DDX52: variants seen among roughly 807,000 people sequenced by gnomAD.
DDX52 encodes probable ATP-dependent RNA helicase DDX52.
Under a neutral mutation model 76.1 loss-of-function variants are expected in DDX52, and 59 were observed. That is an observed-to-expected ratio of 0.78 (90% CI 0.63 to 0.96). The LOEUF is 0.96. Ranked by LOEUF, DDX52 falls within the 40% of genes least tolerant of loss-of-function variation. The pLI is 0.00. For missense variants in DDX52, 707 were observed against 703.9 expected (o/e 1.00, Z -0.05); for synonymous variants, 231 against 244.1 (o/e 0.95, Z 0.50).
intron 2 of DDX52, among the ~76,000 whole-genome samples, chr17:37,640,165 C>CT (rs1335471466): frequency 6.6e-6 from 1 of 152,172 alleles, no homozygotes; most frequent in Non-Finnish European, 1.5e-5. Flanking sequence ...GACAGATATA[C>CT]TCACATATAC....
chr17:37,626,893 A>T, intron 6 of DDX52, 33 bp from the exon 7 acceptor site: 1 of 1,574,410 alleles, frequency 6.4e-7, no homozygotes, highest in South Asian at 1.1e-5. Context: ...AAATTGCAAA[A>T]ACAGGATTTA....
chr17:37,633,360 C>G lies in DDX52; in HGVS notation c.345G>C (p.Lys115Asn). The part of the protein sequence containing the change: ...TIQWMSSVEA[K>N]IEDKKVQRES... ...CTCTCTGAACTTTTTTGTCTTCAAT[C>G]TTTGCTTCTACAGATGACATCCACT... The change falls in exon 3 of 15, where the codon AAG (lysine) becomes AAC (asparagine). Residue 115 changes from lysine to asparagine, a missense_variant. Transcript: ENST00000617633. The G allele has an allele frequency of 6.2e-7, 1 of 1,611,556 alleles. No homozygotes were observed. Among genetic ancestry groups the G allele is most frequent in the South Asian group, 1.1e-5 (1 of 90,520 alleles).
chr17:37,631,916 AG>A lies in DDX52; in HGVS notation c.603+196del, dbSNP rs2030699547. The A allele has an allele frequency of 9.5e-6, 6 of 631,030 alleles. No individual in the cohort carries two copies. In the Admixed American group the frequency reaches 1.2e-4, roughly 13 times the overall value. 39.1% of individuals were successfully genotyped at this position (631,030 alleles called of 1,614,324 possible). On this transcript the variant is annotated intron_variant, in intron 4 of 14. Coordinates refer to ENST00000617633, the MANE Select transcript of DDX52 (RefSeq NM_007010.5). ...AGTGTGGGGGAAAGGGTACTAGAAA[AG>A]GAAGAAGATCACATCTAGATGGAGT...
intron 12 of DDX52, chr17:37,620,259 C>T (rs1319516029): frequency 3.5e-5 from 6 of 169,234 alleles, no homozygotes; most frequent in African/African-American, 1.4e-4. Context: ...TCACTGTCCT[C>T]ATTTCACAGA....
Position 37,621,110 on chromosome 17 carries a change from A to T in DDX52, c.1501+17T>A, listed in dbSNP as rs1481520723. ...ATCAGTGGGTGACAGAGGGGAAGGA[A>T]AAAAAAGACAACTCACCTATCCTGT... On this transcript the variant is annotated intron_variant, in intron 11 of 14. Coordinates refer to ENST00000617633, the MANE Select transcript of DDX52 (RefSeq NM_007010.5). The T allele has an allele frequency of 1.3e-6, 2 of 1,596,884 alleles. No individual in the cohort carries two copies. Among genetic ancestry groups the T allele is most frequent in the Non-Finnish European group, 1.7e-6 (2 of 1,172,754 alleles).
At chr17:37,618,194 G>T (rs1308618944) in intron 14 of DDX52, 98 bp downstream of exon 14, 4 of 826,696 alleles carry the variant, frequency 4.8e-6, no homozygotes, top group Non-Finnish European at 3.9e-6. Context: ...ACAGACTGTA[G>T]TATCAATTCT....
intron 8 of DDX52, 44 bp downstream of exon 8, chr17:37,625,851 T>TAA (rs201448621): frequency 2.0e-6 from 3 of 1,476,056 alleles, no homozygotes; most frequent in Non-Finnish European, 2.8e-6. Flanking sequence ...GACTTGTATT[T>TAA]AAAAAAAAAA....
At chr17:37,631,603 G>C (rs1295069895) in intron 4 of DDX52, 2 of 156,058 alleles carry the variant, frequency 1.3e-5, no homozygotes, top group African/African-American at 2.4e-5. Context: ...AAAAATCTAT[G>C]CATTTTATTG....
At position 37,625,981 on chromosome 17, in the gene DDX52, A is replaced by AT. The variant is rs2030351354; in HGVS notation, c.1049_1050insA (p.Met351TyrfsTer9). 1 of 1,614,104 alleles carries AT rather than the reference A, an allele frequency of 6.2e-7. No homozygotes were observed. The highest frequency in any genetic ancestry group is 1.7e-5 in the Admixed American group (1 of 60,008). ...CATATGCAAAAGTTGCACTGAACATAGCTCTTCGGACCTTGTGGGATGTGC... is the reference window on the plus strand; with the variant it reads ...CATATGCAAAAGTTGCACTGAACATATGCTCTTCGGACCTTGTGGGATGTGC... On this transcript the variant is annotated frameshift_variant, in exon 8 of 15. Transcript: ENST00000617633. LOFTEE classifies it high-confidence loss of function.
chr17:37,627,234 G>C (rs555915264), intron 6 of DDX52, among the ~76,000 whole-genome samples: 111 of 152,154 alleles, frequency 7.3e-4, no homozygotes, highest in African/African-American at 2.7e-3. Context: ...AGACAGTCTA[G>C]CTCTGTCGCC....
At chr17:37,638,287 CA>C (rs969220123) in intron 2 of DDX52, among the ~76,000 whole-genome samples, 187 of 151,970 alleles carry the variant, frequency 1.2e-3, no homozygotes, top group Non-Finnish European at 2.4e-3. Flanking sequence ...GAAATTTCTA[CA>C]AAAAAAATTC....
In DDX52 at chr17:37,632,285, C is replaced by T. The variant is rs764659877; in HGVS notation, c.431G>A (p.Arg144Gln). 12 of 1,613,628 alleles carry T rather than the reference C, an allele frequency of 7.4e-6. No individual in the cohort carries two copies. Among genetic ancestry groups the T allele is most frequent in the Middle Eastern group, 1.6e-4 (1 of 6,084 alleles). Residue 144 changes from arginine to glutamine, a missense_variant, in exon 4 of 15, where the codon CGG becomes CAG. Transcript: ENST00000617633. The part of the protein sequence containing the change: ...NLRKEKINFL[R>Q]NKHKIHVQGT... Reference sequence around the variant, plus strand: ...TTGGACGTGAATTTTGTGTTTATTCCGCAAGAAGTTTATCTGAAAAGTGAA... The same window carrying T: ...TTGGACGTGAATTTTGTGTTTATTCTGCAAGAAGTTTATCTGAAAAGTGAA...
chr17:37,622,360 C>T (rs1014827672), intron 9 of DDX52, among the ~76,000 whole-genome samples: 3 of 150,828 alleles, frequency 2.0e-5, no homozygotes, highest in Non-Finnish European at 4.4e-5. Flanking sequence ...GTGGTGCAAT[C>T]TTGGCTCACT....
intron 8 of DDX52, among the ~76,000 whole-genome samples, chr17:37,625,256 G>A (rs900745035): frequency 1.3e-5 from 2 of 152,134 alleles, no homozygotes; most frequent in African/African-American, 2.4e-5. Context: ...GCCTCCCAAA[G>A]TGCTGTGATT....
intron 2 of DDX52, 45 bp downstream of exon 2, chr17:37,642,065 G>GA: frequency 1.9e-6 from 3 of 1,604,094 alleles, no homozygotes; most frequent in Non-Finnish European, 2.5e-6. Flanking sequence ...TTTTATAACT[G>GA]AAAAAAATTA....
chr17:37,638,188 G>A (rs1380540561), intron 2 of DDX52, among the ~76,000 whole-genome samples: 5 of 152,194 alleles, frequency 3.3e-5, no homozygotes, highest in African/African-American at 4.8e-5. Flanking sequence ...GATGCTCAAG[G>A]CACTTCACTT....
chr17:37,640,359 C>T (rs575715861), intron 2 of DDX52, among the ~76,000 whole-genome samples: 72 of 152,062 alleles, frequency 4.7e-4, no homozygotes, highest in Non-Finnish European at 8.5e-4. Flanking sequence ...CTCCAAGATA[C>T]ATTGTTTTTA....
Position 37,621,249 on chromosome 17 carries a change from G to C in DDX52, c.1379C>G (p.Ala460Gly), listed in dbSNP as rs1200374921. 1 of 1,613,104 alleles carries C rather than the reference G, an allele frequency of 6.2e-7. No homozygotes were observed. Among genetic ancestry groups the C allele is most frequent in the African/African-American group, 1.3e-5 (1 of 74,826 alleles). ...ACAAATCAGAACCCAGATTTTTCCT[G>C]CTCTGAAACTGTGGACTGTGTTATC... ...QRDNTVHSFR[A>G]GKIWVLICTA... The change falls in exon 11 of 15, where the codon GCA becomes GGA. Residue 460 changes from alanine (A) to glycine (G), a missense_variant. Coordinates refer to ENST00000617633, the MANE Select transcript of DDX52 (RefSeq NM_007010.5).
At position 37,624,375 on chromosome 17, in the gene DDX52, T is replaced by C; in HGVS notation, c.1196A>G (p.Lys399Arg). 1.9e-6 allele frequency: 3 copies of C among 1,609,084 alleles called. No individual in the cohort carries two copies. The highest frequency in any genetic ancestry group is 1.7e-6 in the Non-Finnish European group (2 of 1,176,756). Residue 399 changes from lysine (K) to arginine (R), a missense_variant, in exon 9 of 15, where the codon AAA (lysine) becomes AGA (arginine). Lys to Arg is a conservative substitution (Grantham distance 26). Coordinates refer to ENST00000617633, the MANE Select transcript of DDX52 (RefSeq NM_007010.5). ...AACAAGTTCTCTCACGGCCAGAAGTTTTCCGGTCTCAGATCCAACAAAGAG... is the reference window on the plus strand; with the variant it reads ...AACAAGTTCTCTCACGGCCAGAAGTCTTCCGGTCTCAGATCCAACAAAGAG... ...ELLFVGSETGKLLAVRELVKK... is the reference protein window; with the variant it reads ...ELLFVGSETGRLLAVRELVKK...
Sources: allele counts gnomAD v4.1 joint callset (sites outside exome capture counted in the v4.1 genomes callset), GRCh38; gene constraint gnomAD v4.1.1; transcripts MANE v1.5; gene names NCBI Gene and HGNC (gene_info 2026-07-23, HGNC 2026-07-21).